The following PIEZO2 variants were observed in gnomAD, a reference collection of about 807,000 sequenced individuals.
PIEZO2 encodes piezo-type mechanosensitive ion channel component 2.
A neutral mutation model predicts 337.3 loss-of-function variants in PIEZO2; 172 were observed. The ratio of observed to expected loss-of-function variants is 0.51; its 90% CI spans 0.45 to 0.58. PIEZO2 has a LOEUF of 0.58. Among genes scored for constraint, PIEZO2 ranks in the 20% least tolerant of loss-of-function variants. PIEZO2 has a pLI of 0.00. For missense variants in PIEZO2, 3,028 were observed against 3,391.3 expected (o/e 0.89, Z 2.66); for synonymous variants, 1,251 against 1,228.5 (o/e 1.02, Z -0.38).
chr18:11,051,120 C>A (rs8095586), intron 2 of PIEZO2, among the ~76,000 whole-genome samples: 1 of 152,002 alleles, frequency 6.6e-6, no homozygotes, highest in African/African-American at 2.4e-5. Flanking sequence ...GAGAGCTAGC[C>A]ATCACAACCC....
chr18:10,944,860 A>G (rs531934734), intron 3 of PIEZO2, among the ~76,000 whole-genome samples: 2 of 152,260 alleles, frequency 1.3e-5, no homozygotes, highest in Admixed American at 6.5e-5. Flanking sequence ...AATTTCAGGC[A>G]ACGAAAGACA....
intron 3 of PIEZO2, among the ~76,000 whole-genome samples, chr18:10,955,051 G>A (rs1227631356): frequency 6.6e-6 from 1 of 152,138 alleles, no homozygotes; most frequent in Non-Finnish European, 1.5e-5. Flanking sequence ...AGAAGAAAGA[G>A]GGGCACAAAA....
chr18:11,086,013 G>A (rs1052384260), intron 1 of PIEZO2, among the ~76,000 whole-genome samples: 11 of 152,140 alleles, frequency 7.2e-5, no homozygotes, highest in Non-Finnish European at 1.6e-4. Flanking sequence ...ACAATATCCT[G>A]ACAGAGTGAG....
chr18:11,147,451 A>G lies in PIEZO2; in HGVS notation c.64+1074T>C, dbSNP rs1288119900. Among the ~76,000 whole-genome samples the G allele has an allele frequency of 2.0e-5, 3 of 152,220 alleles. No individual in the cohort carries two copies. The South Asian group carries it at 6.2e-4, about 32-fold the overall frequency. On this transcript the variant is annotated intron_variant, in intron 1 of 55. Transcript: ENST00000674853. The stretch of plus-strand genomic sequence containing the variant: ...CCTCACCAATCACGCTACAGCCCCC[A>G]TTCGATTGCTTGCACAAAGAAAACA...
chr18:10,747,613 C>G (rs2037476033), intron 30 of PIEZO2, among the ~76,000 whole-genome samples: 1 of 152,206 alleles, frequency 6.6e-6, no homozygotes, highest in Non-Finnish European at 1.5e-5. Context: ...GCTCTTCTGA[C>G]TAACTGCAGG....
In PIEZO2 at chr18:11,148,394, G is replaced by A; in HGVS notation, c.64+131C>T. ...AGCCAGGCTGTGCACCAGGGACAGC[G>A]CGCGTCTGACGCCGCTGGCCTCCCG... On this transcript the variant is annotated intron_variant, in intron 1 of 55. Coordinates refer to ENST00000674853, the MANE Select transcript of PIEZO2 (RefSeq NM_001378183.1). This position sits in a 1 kb window ranked among gnomAD's most constrained non-coding sequence, Gnocchi z 5.2. 1 of 1,016,282 alleles carries A rather than the reference G, an allele frequency of 9.8e-7. No individual in the cohort carries two copies. 63.0% of individuals were successfully genotyped at this position (1,016,282 alleles called of 1,614,324 possible).
At chr18:11,064,190 T>G (rs544935504) in intron 2 of PIEZO2, among the ~76,000 whole-genome samples, 5 of 152,210 alleles carry the variant, frequency 3.3e-5, no homozygotes, top group Non-Finnish European at 5.9e-5. Context: ...GCATGTGTTC[T>G]GCCTACATGT....
At chr18:10,747,510 G>A (rs1177792123) in intron 30 of PIEZO2, among the ~76,000 whole-genome samples, 1 of 152,146 alleles carries the variant, frequency 6.6e-6, no homozygotes, top group Non-Finnish European at 1.5e-5. Flanking sequence ...TAATGTCCTG[G>A]GTATTAGAAA....
In PIEZO2 at chr18:10,795,227, G is replaced by C. The variant is rs1436742197; in HGVS notation, c.1528-225C>G. The stretch of plus-strand genomic sequence containing the variant: ...GTAGCTCCATTAACACAGCAGAATG[G>C]TACCGGACAAGGGCACATTTTTAAT... On this transcript the variant is annotated intron_variant, in intron 12 of 55. Coordinates refer to ENST00000674853, the MANE Select transcript of PIEZO2 (RefSeq NM_001378183.1). This position sits in a 1 kb window ranked among gnomAD's most constrained non-coding sequence, Gnocchi z 4.4. Among the ~76,000 whole-genome samples, 1 of 152,080 alleles carries C rather than the reference G, an allele frequency of 6.6e-6. No individual in the cohort carries two copies. The highest frequency in any genetic ancestry group is 1.9e-4 in the East Asian group (1 of 5,196).
intron 2 of PIEZO2, among the ~76,000 whole-genome samples, chr18:11,052,564 G>A (rs2037568978): frequency 1.3e-5 from 2 of 152,130 alleles, no homozygotes; most frequent in South Asian, 4.1e-4. Flanking sequence ...AGAAATAAAA[G>A]CATCACTGGA....
At chr18:11,044,752 T>C (rs896454846) in intron 2 of PIEZO2, among the ~76,000 whole-genome samples, 10 of 152,172 alleles carry the variant, frequency 6.6e-5, no homozygotes, top group Admixed American at 5.9e-4. Flanking sequence ...CACTGAACCA[T>C]TGTTCTTAGG....
intron 39 of PIEZO2, among the ~76,000 whole-genome samples, chr18:10,712,268 C>T (rs879341837): frequency 6.6e-6 from 1 of 152,174 alleles, no homozygotes; most frequent in South Asian, 2.1e-4. Flanking sequence ...ACAGACTTGC[C>T]CATGCAGGGT....
In PIEZO2 at chr18:11,143,789, T is replaced by C. The variant is rs12456066; in HGVS notation, c.64+4736A>G. The stretch of plus-strand genomic sequence containing the variant: ...ATGCTCTTACCTCCTAGTCTGTTAA[T>C]TTTGACTGAGACATCGCCTGAGCAT... On this transcript the variant is annotated intron_variant, in intron 1 of 55. Coordinates refer to ENST00000674853, the MANE Select transcript of PIEZO2 (RefSeq NM_001378183.1). This position sits in a 1 kb window ranked among gnomAD's most constrained non-coding sequence, Gnocchi z 4.9. Among the ~76,000 whole-genome samples the C allele has an allele frequency of 5.3e-3, 804 of 152,308 alleles. 23 individuals carry two copies. The East Asian group carries it at 0.069, about 13-fold the overall frequency.
At position 11,027,019 on chromosome 18, in the gene PIEZO2, A is replaced by C. The variant is rs1275668737; in HGVS notation, c.160+39108T>G. On this transcript the variant is annotated intron_variant, in intron 2 of 55. Transcript: ENST00000674853. This position sits in a 1 kb window ranked among gnomAD's most constrained non-coding sequence, Gnocchi z 4.2. The stretch of plus-strand genomic sequence containing the variant: ...ACAGCACTTATGTGTATGAGACAAG[A>C]CTCTGCCCAAAAGTATTTTATAAGC... Among the ~76,000 whole-genome samples, 3 of 152,188 alleles carry C rather than the reference A, an allele frequency of 2.0e-5. No homozygotes were observed. Among genetic ancestry groups the C allele is most frequent in the African/African-American group, 7.2e-5 (3 of 41,424 alleles).
intron 2 of PIEZO2, among the ~76,000 whole-genome samples, chr18:11,025,121 A>T (rs1161721760): frequency 6.6e-6 from 1 of 152,106 alleles, no homozygotes; most frequent in Admixed American, 6.5e-5. Flanking sequence ...CAAACTGCTT[A>T]CATTCATCTC....
At chr18:11,082,783 T>A (rs2038796660) in intron 1 of PIEZO2, among the ~76,000 whole-genome samples, 1 of 152,162 alleles carries the variant, frequency 6.6e-6, no homozygotes, top group Non-Finnish European at 1.5e-5. Flanking sequence ...TTGCCCAGAA[T>A]TACAACCCCG....
intron 2 of PIEZO2, among the ~76,000 whole-genome samples, chr18:10,983,010 C>T (rs187586180): frequency 4.6e-4 from 70 of 152,192 alleles, no homozygotes; most frequent in Middle Eastern, 3.4e-3. Context: ...AATGAGCCAC[C>T]GTGCCTGGCC....
rs563804635 is a variant in PIEZO2, at chr18:11,028,550, C to T, written c.160+37577G>A. 5.3e-4 allele frequency among the ~76,000 whole-genome samples: 80 copies of T among 152,298 alleles called. No homozygotes were observed. The highest frequency in any genetic ancestry group is 1.2e-3 in the African/African-American group (50 of 41,558). ...TGCTGGGATTACAGGTGTGAGCTAC[C>T]GCACCCAGTCTATACGTGGCCATCT... On this transcript the variant is annotated intron_variant, in intron 2 of 55. Transcript: ENST00000674853. The surrounding 1 kb of genome is among the most constrained non-coding windows in gnomAD (Gnocchi z 4.8).
intron 47 of PIEZO2, among the ~76,000 whole-genome samples, chr18:10,693,674 A>G (rs1858036354): frequency 2.7e-5 from 4 of 150,114 alleles, no homozygotes; most frequent in African/African-American, 9.8e-5. Context: ...CCCAATCCGG[A>G]TGTCTTTTAT....
Sources: allele counts gnomAD v4.1 joint callset (sites outside exome capture counted in the v4.1 genomes callset), GRCh38; gene constraint gnomAD v4.1.1; non-coding constraint Gnocchi (gnomAD v3.1); transcripts MANE v1.5; gene names NCBI Gene and HGNC (gene_info 2026-07-23, HGNC 2026-07-21).